The following BLVRB variants were observed in gnomAD, a reference collection of about 807,000 sequenced individuals.
The protein encoded by BLVRB is biliverdin reductase B, also known as flavin reductase (NADPH).
Under a neutral mutation model 21.1 loss-of-function variants are expected in BLVRB, and 25 were observed. The ratio of observed to expected loss-of-function variants is 1.19; its 90% CI spans 0.86 to 1.66. The LOEUF (loss-of-function observed/expected upper bound fraction) is 1.66, where lower values mean the gene tolerates loss of function less well. BLVRB is among the 40% of genes most tolerant of loss of function. BLVRB has a pLI of 0.00. For synonymous variants in BLVRB, 128 were observed against 122.2 expected (o/e 1.05, Z -0.31); for missense variants, 274 against 282.7 (o/e 0.97, Z 0.22).
chr19:40,455,689 C>G (rs2079759408), intron 3 of BLVRB, among the ~76,000 whole-genome samples: 1 of 152,164 alleles, frequency 6.6e-6, no homozygotes, highest in South Asian at 2.1e-4. Flanking sequence ...CAGAATGAGA[C>G]TCTGTCTCAA....
At chr19:40,458,656 C>T (rs1244032449) in intron 1 of BLVRB, 111 bp from the exon 2 acceptor site, 5 of 1,325,816 alleles carry the variant, frequency 3.8e-6, no homozygotes, top group Non-Finnish European at 5.0e-6. Context: ...CTCCTCTGTT[C>T]TGGGGAAGTG....
chr19:40,450,686 G>A (rs559878049), intron 4 of BLVRB, among the ~76,000 whole-genome samples: 1 of 150,824 alleles, frequency 6.6e-6, no homozygotes, highest in Non-Finnish European at 1.5e-5. Context: ...GGGACCACAG[G>A]TGTGTGCCAC....
In BLVRB at chr19:40,447,987, C is replaced by T. The variant is rs2079721533; in HGVS notation, c.523G>A (p.Val175Ile). The change falls in exon 5 of 5, where the codon GTC becomes ATC. Residue 175 changes from valine to isoleucine, a missense_variant. Coordinates refer to ENST00000263368, the MANE Select transcript of BLVRB (RefSeq NM_000713.3). ...VTLDGRGPSR[V>I]ISKHDLGHFM... ...TGGCCCAGGTCATGTTTGGAGATGA[C>T]CCTTGAGGGCCCTCGTCCATCCAGG... 1.2e-6 allele frequency: 2 copies of T among 1,614,042 alleles called. No individual in the cohort carries two copies. Among genetic ancestry groups the T allele is most frequent in the Non-Finnish European group, 1.7e-6 (2 of 1,180,004 alleles).
rs186065735 is a variant in BLVRB at position 40,460,310 on chromosome 19, G to C, written c.80-1765C>G. Among the ~76,000 whole-genome samples, 796 of 140,906 alleles carry C rather than the reference G, an allele frequency of 5.6e-3. 6 individuals are homozygous for C. The highest frequency in any genetic ancestry group is 0.021 in the Middle Eastern group (6 of 286). The allele number at this position is 140,906 out of a possible 152,430, so 92.4% of individuals were successfully genotyped here. On this transcript the variant is annotated intron_variant, in intron 1 of 4. Coordinates refer to ENST00000263368, the MANE Select transcript of BLVRB (RefSeq NM_000713.3). ...GGGTCTTGCTCTGTTGCCCAGGCTG[G>C]AGTGCAGGGGCGCCAATCATAGCTC...
chr19:40,458,468 C>G lies in BLVRB; in HGVS notation c.157G>C (p.Gly53Arg). 1 of 1,606,106 alleles carries G rather than the reference C, an allele frequency of 6.2e-7. No individual in the cohort carries two copies. The highest frequency in any genetic ancestry group is 8.5e-7 in the Non-Finnish European group (1 of 1,176,964). Residue 53 changes from glycine to arginine, a missense_variant, in exon 2 of 5, where the codon GGA (glycine) becomes CGA (arginine). Physicochemically the swap from Gly to Arg is moderately radical, Grantham distance 125. Coordinates refer to ENST00000263368, the MANE Select transcript of BLVRB (RefSeq NM_000713.3). The part of the protein sequence containing the change: ...EGPRPAHVVV[G>R]DVLQAADVDK... The stretch of plus-strand genomic sequence containing the variant: ...ACATCGGCTGCCTGCAGAACATCTC[C>G]CACTACCACGTGGGCCGGCCGGGGC...
chr19:40,462,442 C>T (rs868802880), intron 1 of BLVRB, among the ~76,000 whole-genome samples: 5 of 151,286 alleles, frequency 3.3e-5, no homozygotes, highest in African/African-American at 1.2e-4. Flanking sequence ...CAACACCCGG[C>T]GAATTTTTTG....
In BLVRB at chr19:40,451,460, G is replaced by A; in HGVS notation, c.367C>T (p.Pro123Ser). The A allele has an allele frequency of 6.2e-7, 1 of 1,613,524 alleles. No individual in the cohort carries two copies. The highest frequency in any genetic ancestry group is 8.5e-7 in the Non-Finnish European group (1 of 1,179,820). The change falls in exon 4 of 5, where the codon CCA becomes TCA. Residue 123 changes from proline to serine, a missense_variant. Pro to Ser is a moderately conservative substitution (Grantham distance 74). Coordinates refer to ENST00000263368, the MANE Select transcript of BLVRB (RefSeq NM_000713.3). ...FLLWDPTKVP[P>S]RLQAVTDDHI... ...TCATCAGTCACAGCCTGCAGTCGTG[G>A]GGGCACCTTGGTAGGGTCCCAGAGC...
rs1251358313 is a variant in BLVRB, at chr19:40,453,435, C to T, written c.335-1943G>A. ...CTGTGACTCTATCACATTTCCTGCT[C>T]CAATCCCAGCCCTTAGAAGCATCTG... On this transcript the variant is annotated intron_variant, in intron 3 of 4. Coordinates refer to ENST00000263368, the MANE Select transcript of BLVRB (RefSeq NM_000713.3). 2.6e-5 allele frequency among the ~76,000 whole-genome samples: 4 copies of T among 152,154 alleles called. No homozygotes were observed. The East Asian group carries it at 7.7e-4, about 29-fold the overall frequency.
chr19:40,451,640 C>T, intron 3 of BLVRB, 148 bp from the exon 4 acceptor site: 7 of 1,164,076 alleles, frequency 6.0e-6, no homozygotes, highest in Non-Finnish European at 8.0e-6. Context: ...TCAAGCAATT[C>T]TCCTGCCTCA....
intron 3 of BLVRB, among the ~76,000 whole-genome samples, chr19:40,457,183 T>G (rs1224452360): frequency 2.1e-5 from 3 of 145,620 alleles, no homozygotes. Context: ...AAAAAAAAAG[T>G]GAACCATTCT....
rs564401792 is a variant in BLVRB, at chr19:40,452,299, T to C, written c.335-807A>G. Among the ~76,000 whole-genome samples the C allele has an allele frequency of 1.6e-3, 250 of 152,280 alleles. 1 individual carries two copies. Among genetic ancestry groups the C allele is most frequent in the Non-Finnish European group, 3.2e-3 (219 of 68,030 alleles). ...TGGCAATGTCTGATTCCTCTGCCCCTGATGCATTTCCCTCTCTTTTTTATT... is the reference window on the plus strand; with the variant it reads ...TGGCAATGTCTGATTCCTCTGCCCCCGATGCATTTCCCTCTCTTTTTTATT... On this transcript the variant is annotated intron_variant, in intron 3 of 4. Coordinates refer to ENST00000263368, the MANE Select transcript of BLVRB (RefSeq NM_000713.3).
chr19:40,449,246 A>T (rs1056893682), intron 4 of BLVRB, among the ~76,000 whole-genome samples: 2 of 148,168 alleles, frequency 1.3e-5, no homozygotes, highest in Non-Finnish European at 3.0e-5. Flanking sequence ...AGTGGGTTGA[A>T]TTTTTTTTTT....
At chr19:40,464,252 A>G (rs1179621874) in intron 1 of BLVRB, among the ~76,000 whole-genome samples, 2 of 148,992 alleles carry the variant, frequency 1.3e-5, no homozygotes, top group Non-Finnish European at 2.9e-5. Context: ...CGCCCAGCTA[A>G]TTTATTTTTT....
intron 3 of BLVRB, among the ~76,000 whole-genome samples, chr19:40,455,909 C>T (rs552900213): frequency 6.2e-4 from 94 of 151,916 alleles, no homozygotes; most frequent in Non-Finnish European, 1.0e-3. Flanking sequence ...TCCGGGAGTT[C>T]GGGACCAGCC....
At chr19:40,459,853 A>C (rs1338213682) in intron 1 of BLVRB, among the ~76,000 whole-genome samples, 2 of 152,136 alleles carry the variant, frequency 1.3e-5, no homozygotes, top group Non-Finnish European at 2.9e-5. Context: ...TTACAGGCGT[A>C]AGCCACTGTA....
chr19:40,456,266 T>TA (rs1262781513), intron 3 of BLVRB, among the ~76,000 whole-genome samples: 1 of 151,972 alleles, frequency 6.6e-6, no homozygotes, highest in Non-Finnish European at 1.5e-5. Context: ...CATTTCCAGA[T>TA]AAAAAGTTAA....
intron 3 of BLVRB, among the ~76,000 whole-genome samples, chr19:40,452,240 G>A (rs527462231): frequency 6.6e-5 from 10 of 152,140 alleles, no homozygotes; most frequent in South Asian, 2.1e-4. Flanking sequence ...TCTCTTACAC[G>A]CCTCTGCTCC....
intron 2 of BLVRB, 50 bp downstream of exon 2, chr19:40,458,331 T>C (rs1395411575): frequency 7.1e-7 from 1 of 1,406,588 alleles, no homozygotes; most frequent in Non-Finnish European, 9.4e-7. Context: ...GGGGTGGCGC[T>C]GGGGGCCGAG....
At chr19:40,462,437 C>A (rs2079791750) in intron 1 of BLVRB, among the ~76,000 whole-genome samples, 1 of 151,640 alleles carries the variant, frequency 6.6e-6, no homozygotes, top group Non-Finnish European at 1.5e-5. Flanking sequence ...CACCACAACA[C>A]CCGGCGAATT....
Sources: allele counts gnomAD v4.1 joint callset (sites outside exome capture counted in the v4.1 genomes callset), GRCh38; gene constraint gnomAD v4.1.1; transcripts MANE v1.5; gene names NCBI Gene and HGNC (gene_info 2026-07-23, HGNC 2026-07-21).